Variants in LCLAT1 observed in about 807,000 individuals in gnomAD.
LCLAT1 encodes the protein 1-AGP acyltransferase 8.
In LCLAT1, 11 loss-of-function variants were observed where a neutral mutation model predicts 30.7. The ratio of observed to expected loss-of-function variants is 0.36; its 90% CI spans 0.23 to 0.59. The LOEUF (loss-of-function observed/expected upper bound fraction) is 0.59. Ranked by LOEUF, LCLAT1 falls within the 20% of genes least tolerant of loss-of-function variation. The probability of loss-of-function intolerance (pLI) is 0.77; values close to 1 mark genes in which losing one functional copy is unlikely to be tolerated. For missense variants in LCLAT1, 402 were observed against 458.6 expected, an observed-to-expected ratio of 0.88 and a Z score of 1.13; for synonymous variants, 155 against 151.3, an observed-to-expected ratio of 1.02 and a Z score of -0.18.
At chr2:30,495,654 C>T (rs1414814572) in intron 1 of LCLAT1, among the ~76,000 whole-genome samples, 1 of 152,058 alleles carries the variant, frequency 6.6e-6, no homozygotes, top group Non-Finnish European at 1.5e-5. Flanking sequence ...CCTCAATCTT[C>T]TCATTTCATA....
chr2:30,617,558 C>T (rs967075217), intron 5 of LCLAT1, among the ~76,000 whole-genome samples: 8 of 152,162 alleles, frequency 5.3e-5, no homozygotes, highest in African/African-American at 1.9e-4. Flanking sequence ...CCTATGCTGT[C>T]ATTCTCTGGT....
intron 3 of LCLAT1, among the ~76,000 whole-genome samples, chr2:30,550,147 A>C (rs755662557): frequency 6.6e-6 from 1 of 152,218 alleles, no homozygotes; most frequent in Non-Finnish European, 1.5e-5. Flanking sequence ...TTGCATCAAC[A>C]AATAGATGTT....
chr2:30,526,701 C>T (rs829619), intron 2 of LCLAT1, among the ~76,000 whole-genome samples: 107,360 of 152,022 alleles, frequency 0.71, 39,681 homozygotes, highest in East Asian at 0.87. Flanking sequence ...TTGTCTACCA[C>T]GTACCTAGCA....
At chr2:30,592,539 G>A (rs745366583) in intron 5 of LCLAT1, among the ~76,000 whole-genome samples, 1 of 152,118 alleles carries the variant, frequency 6.6e-6, no homozygotes, top group South Asian at 2.1e-4. Flanking sequence ...TCAGTTTCTC[G>A]ATTGAAAATG....
At chr2:30,469,221 C>T (rs1370358283) in intron 1 of LCLAT1, among the ~76,000 whole-genome samples, 2 of 151,718 alleles carry the variant, frequency 1.3e-5, no homozygotes, top group African/African-American at 2.4e-5. Context: ...TGGTCTTTCA[C>T]GTGCAAAAGT....
At chr2:30,522,485 G>A (rs995207529) in intron 1 of LCLAT1, among the ~76,000 whole-genome samples, 4 of 152,188 alleles carry the variant, frequency 2.6e-5, no homozygotes, top group African/African-American at 7.2e-5. Context: ...AATAGGGCTG[G>A]ATTAAATGCA....
chr2:30,489,799 A>C (rs1197707003), intron 1 of LCLAT1, among the ~76,000 whole-genome samples: 1 of 152,200 alleles, frequency 6.6e-6, no homozygotes, highest in Non-Finnish European at 1.5e-5. Flanking sequence ...TCCTGAAGAG[A>C]GCCAGTCAGG....
intron 5 of LCLAT1, among the ~76,000 whole-genome samples, chr2:30,614,684 G>T (rs1268158106): frequency 1.3e-5 from 2 of 152,138 alleles, no homozygotes; most frequent in East Asian, 1.9e-4. Context: ...AAATATGTGA[G>T]TCTAGAAAGG....
At chr2:30,605,473 T>C (rs575012545) in intron 5 of LCLAT1, among the ~76,000 whole-genome samples, 39 of 152,206 alleles carry the variant, frequency 2.6e-4, no homozygotes, top group Admixed American at 5.2e-4. Context: ...AATTTACATA[T>C]TGTTTTTAGT....
At chr2:30,500,264 A>G (rs914300243) in intron 1 of LCLAT1, among the ~76,000 whole-genome samples, 1 of 152,222 alleles carries the variant, frequency 6.6e-6, no homozygotes. Flanking sequence ...AATATTACCT[A>G]TAATACATAC....
Position 30,640,885 on chromosome 2 carries a change from G to T in LCLAT1, c.*266G>T, listed in dbSNP as rs1186199261. The T allele has an allele frequency of 5.6e-6, 2 of 357,332 alleles. No homozygotes were observed. Among genetic ancestry groups the T allele is most frequent in the Non-Finnish European group, 1.0e-5 (2 of 196,798 alleles). 22.1% of individuals were successfully genotyped at this position (357,332 alleles called of 1,614,324 possible). ...CAGAATATTATTAAACAATCATCAGGCTTTTAGCGACAAGGAACACACACA... is the reference window on the plus strand; with the variant it reads ...CAGAATATTATTAAACAATCATCAGTCTTTTAGCGACAAGGAACACACACA... On this transcript the variant is annotated 3_prime_UTR_variant, in exon 6 of 6. Transcript: ENST00000379509.
At chr2:30,601,162 G>T (rs4952159) in intron 5 of LCLAT1, among the ~76,000 whole-genome samples, 19,269 of 152,032 alleles carry the variant, frequency 0.13, 1,350 homozygotes, top group South Asian at 0.23. Flanking sequence ...CTCTAAACTG[G>T]TTATTCTGGT....
chr2:30,535,881 A>C (rs752652902), intron 3 of LCLAT1, among the ~76,000 whole-genome samples: 4 of 152,160 alleles, frequency 2.6e-5, no homozygotes, highest in Non-Finnish European at 4.4e-5. Flanking sequence ...AACTCAGCAA[A>C]ATACAAGAGA....
intron 5 of LCLAT1, among the ~76,000 whole-genome samples, chr2:30,605,549 A>G (rs1184152070): frequency 6.6e-6 from 1 of 152,204 alleles, no homozygotes; most frequent in Middle Eastern, 3.2e-3. Context: ...GTGTTCAAAC[A>G]TTTAGATATG....
At chr2:30,609,421 T>A (rs559883613) in intron 5 of LCLAT1, among the ~76,000 whole-genome samples, 153 of 152,274 alleles carry the variant, frequency 1.0e-3, no homozygotes, top group African/African-American at 3.6e-3. Context: ...GAGGATCTGG[T>A]TTTATTTTTC....
intron 5 of LCLAT1, among the ~76,000 whole-genome samples, chr2:30,616,838 C>CAA (rs886423744): frequency 2.0e-4 from 29 of 142,106 alleles, no homozygotes; most frequent in Non-Finnish European, 3.6e-4. Flanking sequence ...ATGCTAATAC[C>CAA]AAAAAAAAAA....
intron 3 of LCLAT1, among the ~76,000 whole-genome samples, chr2:30,541,032 G>T (rs1376926861): frequency 3.3e-5 from 5 of 151,940 alleles, no homozygotes; most frequent in Non-Finnish European, 1.5e-5. Context: ...TATCCTTTTG[G>T]GTTATACAAA....
chr2:30,625,691 GA>G (rs1387088562), intron 5 of LCLAT1, among the ~76,000 whole-genome samples: 1 of 152,176 alleles, frequency 6.6e-6, no homozygotes, highest in African/African-American at 2.4e-5. Flanking sequence ...ATATTTTGTA[GA>G]TTTACAAGAA....
At chr2:30,481,943 A>C (rs1015208654) in intron 1 of LCLAT1, among the ~76,000 whole-genome samples, 1 of 152,194 alleles carries the variant, frequency 6.6e-6, no homozygotes, top group Non-Finnish European at 1.5e-5. Context: ...ATTAGCATTT[A>C]ATTGTTAATT....
Sources: gnomAD v4.1 joint callset for allele counts (sites outside exome capture counted in the v4.1 genomes callset) on GRCh38, gnomAD v4.1.1 for gene constraint, MANE v1.5 for transcripts, NCBI Gene and HGNC (gene_info 2026-07-23, HGNC 2026-07-21) for gene names.